WWP1: variants seen among roughly 807,000 people sequenced by gnomAD.
WWP1 encodes the protein WW domain containing E3 ubiquitin protein ligase 1.
In WWP1, 49 loss-of-function variants were observed where a neutral mutation model predicts 130.6. The observed-to-expected ratio is 0.38, with a 90% CI of 0.30 to 0.48. The LOEUF is 0.48. WWP1 is among the 20% of genes least tolerant of loss of function. The pLI, the probability that WWP1 is intolerant of heterozygous loss-of-function variation, is 0.99. For missense variants in WWP1, 809 were observed against 1,100.6 expected, an observed-to-expected ratio of 0.74 and a Z score of 3.75; for synonymous variants, 332 against 367.8, an observed-to-expected ratio of 0.90 and a Z score of 1.11.
At chr8:86,422,565 G>C (rs888175139) in intron 9 of WWP1, among the ~76,000 whole-genome samples, 1 of 151,540 alleles carries the variant, frequency 6.6e-6, no homozygotes, top group African/African-American at 2.4e-5. Flanking sequence ...TAGAGATGGG[G>C]TTTCTCCATG....
chr8:86,423,552 G>C (rs1809355923), intron 9 of WWP1, among the ~76,000 whole-genome samples: 1 of 152,198 alleles, frequency 6.6e-6, no homozygotes, highest in African/African-American at 2.4e-5. Flanking sequence ...CAAGGTCATA[G>C]ATCAACAGCA....
intron 1 of WWP1, among the ~76,000 whole-genome samples, chr8:86,349,503 A>G (rs1353266090): frequency 6.6e-6 from 1 of 152,262 alleles, no homozygotes; most frequent in East Asian, 1.9e-4. Context: ...CAGCTTTACT[A>G]TACCAAAACA....
chr8:86,368,400 A>G (rs1349295621), intron 1 of WWP1, among the ~76,000 whole-genome samples: 2 of 152,130 alleles, frequency 1.3e-5, no homozygotes, highest in African/African-American at 2.4e-5. Flanking sequence ...TTAGTTTTTC[A>G]GATTCTTGTT....
rs761730245 is a variant in WWP1, at chr8:86,440,684, A to AT, written c.1839-1929dup. On this transcript the variant is annotated intron_variant, in intron 17 of 24. Coordinates refer to ENST00000517970, the MANE Select transcript of WWP1 (RefSeq NM_007013.4). ...GTTTTCTTCTATTATGTCTTTGAAT[A>AT]TTTTTTCTGTTCCATTTGTTCCATT... is the stretch of plus-strand genomic sequence containing the variant. 318 of 454,066 alleles carry AT rather than the reference A, an allele frequency of 7.0e-4. 1 individual carries two copies. The highest frequency in any genetic ancestry group is 9.3e-4 in the Non-Finnish European group (209 of 225,896). 28.1% of individuals were successfully genotyped at this position (454,066 alleles called of 1,614,324 possible). A position where few individuals can be genotyped will look rare whatever the true frequency, so the allele number is the denominator to read the frequency against.
At chr8:86,371,220 A>G (rs1824279173) in intron 2 of WWP1, among the ~76,000 whole-genome samples, 1 of 151,970 alleles carries the variant, frequency 6.6e-6, no homozygotes, top group Non-Finnish European at 1.5e-5. Context: ...TCTCACTACT[A>G]TATAATGCTC....
chr8:86,431,791 A>C lies in WWP1; in HGVS notation c.1601+48A>C, dbSNP rs546058621. On this transcript the variant is annotated intron_variant, in intron 14 of 24. Coordinates refer to ENST00000517970, the MANE Select transcript of WWP1 (RefSeq NM_007013.4). ...CCTTTAAATATTGCTTAGTGAGCACATGAGATTTAGTCTCTAATTTATCCT... is the reference window on the plus strand; with the variant it reads ...CCTTTAAATATTGCTTAGTGAGCACCTGAGATTTAGTCTCTAATTTATCCT... The C allele has an allele frequency of 4.4e-5, 71 of 1,604,588 alleles. No homozygotes were observed. The South Asian group carries it at 7.3e-4, about 17-fold the overall frequency.
intron 5 of WWP1, among the ~76,000 whole-genome samples, chr8:86,393,647 T>A (rs1807479087): frequency 6.6e-6 from 1 of 152,178 alleles, no homozygotes; most frequent in South Asian, 2.1e-4. Flanking sequence ...ACTTAGGAAT[T>A]TTAGAAAACT....
intron 18 of WWP1, among the ~76,000 whole-genome samples, chr8:86,446,416 G>A (rs895194368): frequency 1.3e-5 from 2 of 151,918 alleles, no homozygotes; most frequent in Admixed American, 6.6e-5. Flanking sequence ...CATAGTTTGT[G>A]AATATTTTCT....
chr8:86,395,891 A>G (rs1025392482), intron 5 of WWP1, among the ~76,000 whole-genome samples: 6 of 152,142 alleles, frequency 3.9e-5, no homozygotes, highest in African/African-American at 1.4e-4. Context: ...AAATGAAAGA[A>G]TTTACCAAGA....
At chr8:86,436,583 T>A (rs919946419) in intron 16 of WWP1, among the ~76,000 whole-genome samples, 2 of 152,228 alleles carry the variant, frequency 1.3e-5, no homozygotes, top group African/African-American at 4.8e-5. Context: ...TTCTGCCTAG[T>A]ACGTAGAATA....
At chr8:86,371,408 T>A (rs72688572) in intron 2 of WWP1, among the ~76,000 whole-genome samples, 8,262 of 152,332 alleles carry the variant, frequency 0.054, 316 homozygotes, top group Non-Finnish European at 0.086. Flanking sequence ...TAAATGATAA[T>A]GCCAAATTAT....
intron 1 of WWP1, among the ~76,000 whole-genome samples, chr8:86,360,291 G>A (rs1032098966): frequency 6.6e-6 from 1 of 152,134 alleles, no homozygotes; most frequent in Non-Finnish European, 1.5e-5. Flanking sequence ...ACCTTTCCAT[G>A]AAAATTGCTC....
rs376455074 is a variant in WWP1, at chr8:86,461,590, G to A, written c.2597-184G>A. On this transcript the variant is annotated intron_variant, in intron 23 of 24. Coordinates refer to ENST00000517970, the MANE Select transcript of WWP1 (RefSeq NM_007013.4). ...CTGTAGAGAGAGTTTTCTTCCCAAT[G>A]ATCTAATTCTTATTGCTGGATCTCT... 4.0e-4 allele frequency: 258 copies of A among 640,634 alleles called. 2 individuals are homozygous for A. In the East Asian group the frequency reaches 5.9e-3, roughly 15 times the overall value. The allele number at this position is 640,634 out of a possible 1,614,324, so 39.7% of individuals were successfully genotyped here.
At chr8:86,362,163 C>CAGATAT (rs1356839834) in intron 1 of WWP1, among the ~76,000 whole-genome samples, 4 of 59,028 alleles carry the variant, frequency 6.8e-5, no homozygotes, top group Non-Finnish European at 1.1e-4. Flanking sequence ...ATATACAAGG[C>CAGATAT]ATATATATAT....
intron 8 of WWP1, among the ~76,000 whole-genome samples, chr8:86,408,552 A>G (rs1322226115): frequency 6.6e-6 from 1 of 152,206 alleles, no homozygotes; most frequent in East Asian, 1.9e-4. Flanking sequence ...TTATTTTAAC[A>G]ATACTGAATC....
At chr8:86,353,282 C>T (rs1312764647) in intron 1 of WWP1, among the ~76,000 whole-genome samples, 1 of 152,184 alleles carries the variant, frequency 6.6e-6, no homozygotes, top group African/African-American at 2.4e-5. Flanking sequence ...CTTAAACCCT[C>T]CTCAGTCCTG....
At chr8:86,411,987 TTGGGA>T in intron 9 of WWP1, 113 bp downstream of exon 9, 3 of 1,050,000 alleles carry the variant, frequency 2.9e-6, no homozygotes, top group Non-Finnish European at 2.7e-6. Flanking sequence ...GAAATCTAAG[TTGGGA>T]TCTGAATCAT....
Position 86,411,869 on chromosome 8 carries a change from A to G in WWP1, c.1056A>G (p.Pro352=). The part of the protein sequence containing the change: ...QSGNANTETL[P]SGWEQRKDPH... ...GGAATGCCAACACAGAAACCTTGCCATCAGGGTATGTTAAGCTTTTTAATG... is the reference window on the plus strand; with the variant it reads ...GGAATGCCAACACAGAAACCTTGCCGTCAGGGTATGTTAAGCTTTTTAATG... The change falls in exon 9 of 25, where the codon CCA becomes CCG. Residue 352 remains proline (P), a synonymous_variant. Coordinates refer to ENST00000517970, the MANE Select transcript of WWP1 (RefSeq NM_007013.4). 2 of 1,605,022 alleles carry G rather than the reference A, an allele frequency of 1.2e-6. No individual in the cohort carries two copies. Among genetic ancestry groups the G allele is most frequent in the African/African-American group, 1.3e-5 (1 of 74,786 alleles).
At chr8:86,430,854 T>C in intron 12 of WWP1, 103 bp downstream of exon 12, 1 of 382,660 alleles carries the variant, frequency 2.6e-6, no homozygotes, top group Admixed American at 6.0e-5. Context: ...TATATATATA[T>C]ATCTCCCTTA....
Sources: gnomAD v4.1 joint callset for allele counts (sites outside exome capture counted in the v4.1 genomes callset) on GRCh38, gnomAD v4.1.1 for gene constraint, MANE v1.5 for transcripts, NCBI Gene and HGNC (gene_info 2026-07-23, HGNC 2026-07-21) for gene names.